Variants in CCP110 observed in about 807,000 individuals in gnomAD.
CCP110 encodes centriolar coiled-coil protein of 110 kDa.
A neutral mutation model predicts 105.5 loss-of-function variants in CCP110; 43 were observed. That is an observed-to-expected ratio of 0.41 (90% CI 0.32 to 0.53). CCP110 has a LOEUF of 0.53. Ranked by LOEUF, CCP110 falls within the 20% of genes least tolerant of loss-of-function variation. The pLI is 0.32. For synonymous variants in CCP110, 353 were observed against 392.1 expected (o/e 0.90, Z 1.18); for missense variants, 1,016 against 1,189.1 (o/e 0.85, Z 2.14).
At chr16:19,541,714 A>G (rs1970292323) in intron 5 of CCP110, among the ~76,000 whole-genome samples, 173 bp from the exon 6 acceptor site, 1 of 142,908 alleles carries the variant, frequency 7.0e-6, no homozygotes, top group African/African-American at 2.5e-5. Flanking sequence ...GAAAAGAGGG[A>G]GGGAGGGAAG....
intron 4 of CCP110, among the ~76,000 whole-genome samples, chr16:19,538,048 G>C (rs1359990412): frequency 6.6e-6 from 1 of 152,136 alleles, no homozygotes; most frequent in Non-Finnish European, 1.5e-5. Flanking sequence ...ACAGGCGTGA[G>C]CCACGACACC....
rs182994831 is a variant in CCP110, at chr16:19,547,887, G to A, written c.2841-68G>A. 772 of 1,128,750 alleles carry A rather than the reference G, an allele frequency of 6.8e-4. 1 individual carries two copies. The highest frequency in any genetic ancestry group is 9.2e-4 in the Non-Finnish European group (681 of 738,246). 69.9% of individuals were successfully genotyped at this position (1,128,750 alleles called of 1,614,324 possible). On this transcript the variant is annotated intron_variant, in intron 12 of 14. Coordinates refer to ENST00000381396, the Ensembl canonical transcript of CCP110. ...ACCTTACAGTCATCATCTTTCATCC[G>A]TTGAAAGAAAATGGGAAAAAATGGA...
At chr16:19,551,134 A>C (rs1970624757) in intron 14 of CCP110, 62 bp from the exon 14 acceptor site, 1 of 959,166 alleles carries the variant, frequency 1.0e-6, no homozygotes, top group South Asian at 1.3e-5. Context: ...AAAACTCATT[A>C]AATGGTATCA....
In CCP110 at chr16:19,545,185, G is replaced by A. The variant is rs200116540; in HGVS notation, c.2678G>A (p.Arg893His). 68 of 1,603,358 alleles carry A rather than the reference G, an allele frequency of 4.2e-5. No individual in the cohort carries two copies. Among genetic ancestry groups the A allele is most frequent in the Admixed American group, 1.0e-4 (6 of 59,426 alleles). ...ATTCTACATCATGATCGAGAAGTTC[G>A]CAAAGAGAAAATGCTCAGGCAAATG... The change falls in exon 10 of 15, where the codon CGC becomes CAC. Residue 893 changes from arginine to histidine, a missense_variant. Coordinates refer to ENST00000381396, the Ensembl canonical transcript of CCP110.
intron 4 of CCP110, among the ~76,000 whole-genome samples, chr16:19,538,582 T>G (rs1244889887): frequency 1.3e-5 from 2 of 151,752 alleles, no homozygotes; most frequent in Non-Finnish European, 2.9e-5. Flanking sequence ...AGTGCTGGAA[T>G]TACAGGCATG....
At chr16:19,545,953 C>T in intron 11 of CCP110, 63 bp downstream of exon 11, 1 of 891,480 alleles carries the variant, frequency 1.1e-6, no homozygotes. Context: ...ATCTGTTGGT[C>T]TATTTGCATA....
chr16:19,543,334 C>T (rs1282400184), intron 8 of CCP110, among the ~76,000 whole-genome samples: 3 of 152,146 alleles, frequency 2.0e-5, no homozygotes, highest in African/African-American at 7.2e-5. Flanking sequence ...TTTATCAGTT[C>T]CCAAAATTAA....
Position 19,548,437 on chromosome 16 carries a change from A to C in CCP110, c.2901-78A>C. 1.1e-6 allele frequency: 1 copy of C among 891,678 alleles called. No homozygotes were observed. Among genetic ancestry groups the C allele is most frequent in the African/African-American group, 1.7e-5 (1 of 59,268 alleles). 55.2% of individuals were successfully genotyped at this position (891,678 alleles called of 1,614,324 possible). A position where few individuals can be genotyped will look rare whatever the true frequency, so the allele number is the denominator to read the frequency against. On this transcript the variant is annotated intron_variant, in intron 13 of 14. Coordinates refer to ENST00000381396, the Ensembl canonical transcript of CCP110. The surrounding 1 kb of genome is among the most constrained non-coding windows in gnomAD (Gnocchi z 4.1). The stretch of plus-strand genomic sequence containing the variant: ...TATTTGTGCTTTGGACAGTTGATGC[A>C]ATGTGATTGCTTTCTTTGAATTTTG...
chr16:19,542,965 A>G (rs1158026232), exon 8 of CCP110: 1 of 1,602,252 alleles, frequency 6.2e-7, no homozygotes, highest in Admixed American at 1.7e-5. Context: ...GCAGACAGAT[A>G]AGCTGAAGCA....
intron 1 of CCP110, chr16:19,525,288 A>AG (rs1233781518): frequency 6.6e-6 from 1 of 150,714 alleles, no homozygotes; most frequent in Non-Finnish European, 1.5e-5. Flanking sequence ...CACAAGGGTC[A>AG]GTGGTTCTCT....
At chr16:19,541,954 A>G in exon 6 of CCP110, 1 of 1,611,094 alleles carries the variant, frequency 6.2e-7, no homozygotes, top group Non-Finnish European at 8.5e-7. Flanking sequence ...TCTGAGTTGG[A>G]CATTAACAAT....
At chr16:19,547,630 A>C (rs1014311628) in intron 12 of CCP110, 1 of 197,770 alleles carries the variant, frequency 5.1e-6, no homozygotes, top group African/African-American at 2.3e-5. Context: ...TGAGAGTGAT[A>C]CTTTCTTCTC....
chr16:19,549,216 A>G (rs1285127004), intron 14 of CCP110, among the ~76,000 whole-genome samples: 2 of 152,220 alleles, frequency 1.3e-5, no homozygotes, highest in African/African-American at 2.4e-5. Context: ...TTTTTTAGGT[A>G]TCTTTGTTAA....
chr16:19,543,068 A>G, intron 8 of CCP110, 74 bp downstream of exon 8: 1 of 829,354 alleles, frequency 1.2e-6, no homozygotes, highest in Non-Finnish European at 2.0e-6. Flanking sequence ...CTGAGCTAAC[A>G]GATTAGTTCA....
At chr16:19,528,425 C>G (rs1403798302) in intron 2 of CCP110, among the ~76,000 whole-genome samples, 2 of 152,156 alleles carry the variant, frequency 1.3e-5, no homozygotes, top group South Asian at 4.1e-4. Context: ...GTTGACGAAC[C>G]ACCTAAATGT....
At chr16:19,546,597 A>G (rs1444914420) in intron 12 of CCP110, 123 bp downstream of exon 12, 4 of 576,198 alleles carry the variant, frequency 6.9e-6, no homozygotes, top group Non-Finnish European at 1.2e-5. Context: ...CGGATGGATC[A>G]CCTGAGGTCG....
At chr16:19,534,308 C>T (rs1969973966) in intron 3 of CCP110, among the ~76,000 whole-genome samples, 1 of 152,062 alleles carries the variant, frequency 6.6e-6, no homozygotes, top group Non-Finnish European at 1.5e-5. Flanking sequence ...ATAAAATATA[C>T]TACTAATAAA....
chr16:19,530,397 G>T (rs970528573), intron 2 of CCP110, among the ~76,000 whole-genome samples: 5 of 152,114 alleles, frequency 3.3e-5, no homozygotes, highest in Admixed American at 6.5e-5. Context: ...TGAAGATAGG[G>T]CTGGGCGGGG....
Position 19,545,170 on chromosome 16 carries a change from AT to A in CCP110, c.2664del (p.His888GlnfsTer17), listed in dbSNP as rs1487863650. On this transcript the variant is annotated frameshift_variant, in exon 10 of 15. Transcript: ENST00000381396. LOFTEE classifies it high-confidence loss of function. The stretch of plus-strand genomic sequence containing the variant: ...GCTGAAAGAATGTCTATTCTACATC[AT>A]GATCGAGAAGTTCGCAAAGAGAAAA... The A allele has an allele frequency of 6.2e-7, 1 of 1,610,566 alleles. No individual in the cohort carries two copies. Among genetic ancestry groups the A allele is most frequent in the Admixed American group, 1.7e-5 (1 of 59,734 alleles).
Sources: allele counts gnomAD v4.1 joint callset (sites outside exome capture counted in the v4.1 genomes callset), GRCh38; gene constraint gnomAD v4.1.1; non-coding constraint Gnocchi (gnomAD v3.1); transcripts MANE v1.5; gene names NCBI Gene and HGNC (gene_info 2026-07-23, HGNC 2026-07-21).